RYR1: variants seen among roughly 807,000 people sequenced by gnomAD.
RYR1 encodes the protein central core disease of muscle.
In RYR1, 342 loss-of-function variants were observed where a neutral mutation model predicts 583.5. The ratio of observed to expected loss-of-function variants is 0.59; its 90% CI spans 0.54 to 0.64. The LOEUF is 0.64. Among genes scored for constraint, RYR1 ranks in the 30% least tolerant of loss-of-function variants. The pLI is 0.00. For missense variants in RYR1, 6,032 were observed against 6,917.2 expected, an observed-to-expected ratio of 0.87 and a Z score of 4.54; for synonymous variants, 2,791 against 2,822.5, an observed-to-expected ratio of 0.99 and a Z score of 0.35.
At position 38,448,690 on chromosome 19, in the gene RYR1, G is replaced by A; in HGVS notation, c.999G>A (p.Met333Ile). 1.2e-6 allele frequency: 2 copies of A among 1,614,242 alleles called. No homozygotes were observed. Among genetic ancestry groups the A allele is most frequent in the Middle Eastern group, 1.6e-4 (1 of 6,062 alleles). Reference sequence around the variant, plus strand: ...CCCCCAAGCGGGATGTGGAGGGCATGGGCCCCCCTGAGATCAAGTACGGGG... The same window carrying A: ...CCCCCAAGCGGGATGTGGAGGGCATAGGCCCCCCTGAGATCAAGTACGGGG... ...DVAPKRDVEG[M>I]GPPEIKYGES... The change falls in exon 11 of 106, where the codon ATG becomes ATA. Residue 333 changes from methionine to isoleucine, a missense_variant. Met to Ile is a conservative substitution (Grantham distance 10). Transcript: ENST00000359596.
intron 49 of RYR1, 152 bp from the exon 50 acceptor site, chr19:38,504,068 C>A: frequency 1.2e-6 from 1 of 860,596 alleles, no homozygotes; most frequent in Non-Finnish European, 1.9e-6. Context: ...ATAAACATAC[C>A]ATTTCTTCCC....
At chr19:38,506,691 G>C in intron 56 of RYR1, 138 bp from the exon 57 acceptor site, 2 of 1,486,860 alleles carry the variant, frequency 1.3e-6, no homozygotes, top group Non-Finnish European at 1.8e-6. Context: ...AATGAGATGA[G>C]CACCAGCAAG....
chr19:38,456,673 C>T (rs909229705), intron 16 of RYR1, among the ~76,000 whole-genome samples: 2 of 152,022 alleles, frequency 1.3e-5, no homozygotes, highest in African/African-American at 2.4e-5. Context: ...TGCCATAGCC[C>T]TACAAGTTCC....
In RYR1 at chr19:38,444,029, G is replaced by T. The variant is rs913136689; in HGVS notation, c.425-120G>T. 5.6e-6 allele frequency: 5 copies of T among 888,522 alleles called. No homozygotes were observed. In the African/African-American group the frequency reaches 8.2e-5, roughly 15 times the overall value. 55.0% of individuals were successfully genotyped at this position (888,522 alleles called of 1,614,324 possible). On this transcript the variant is annotated intron_variant, in intron 5 of 105. Coordinates refer to ENST00000359596, the MANE Select transcript of RYR1 (RefSeq NM_000540.3). The surrounding 1 kb of genome is among the most constrained non-coding windows in gnomAD (Gnocchi z 5.1). ...GGAACTGTTAGGCAGAGAGTTGGTG[G>T]CAGTGATAGGAGAGTTGTGGGCCAA...
intron 63 of RYR1, among the ~76,000 whole-genome samples, chr19:38,513,619 C>T (rs1048247479): frequency 2.1e-4 from 32 of 152,150 alleles, no homozygotes; most frequent in African/African-American, 7.5e-4. Context: ...GCCTGTAGTC[C>T]CAGCTACTTG....
chr19:38,573,185 G>A lies in RYR1; in HGVS notation c.14007G>A (p.Leu4669=), dbSNP rs1568595617. 6.2e-7 allele frequency: 1 copy of A among 1,613,816 alleles called. No individual in the cohort carries two copies. Among genetic ancestry groups the A allele is most frequent in the African/African-American group, 1.3e-5 (1 of 75,038 alleles). ...CTCCTCCCACTATCCAGGTGCCCCT[G>A]GTAATCTTTAAGCGGGAGAAGGAGC... is the stretch of plus-strand genomic sequence containing the variant. ...IIGYNCLKVP[L]VIFKREKELA... is the part of the protein sequence containing the mutation. The change falls in exon 96 of 106, where the codon CTG becomes CTA. Residue 4669 remains leucine (L), a synonymous_variant. Coordinates refer to ENST00000359596, the MANE Select transcript of RYR1 (RefSeq NM_000540.3).
chr19:38,453,919 C>G (rs998789234), intron 13 of RYR1, among the ~76,000 whole-genome samples: 1 of 152,166 alleles, frequency 6.6e-6, no homozygotes, highest in African/African-American at 2.4e-5. Flanking sequence ...TCTACAGTCA[C>G]AGCTAGTTAG....
intron 89 of RYR1, among the ~76,000 whole-genome samples, chr19:38,549,279 G>T (rs1266117187): frequency 6.6e-6 from 1 of 152,024 alleles, no homozygotes; most frequent in Non-Finnish European, 1.5e-5. Context: ...GTAAAATGGG[G>T]ATAGGATAAT....
chr19:38,554,492 A>G (rs951356948), intron 89 of RYR1, among the ~76,000 whole-genome samples: 5 of 150,716 alleles, frequency 3.3e-5, no homozygotes, highest in African/African-American at 1.2e-4. Flanking sequence ...ATAATTTCCC[A>G]AGTTCTTCAT....
intron 67 of RYR1, among the ~76,000 whole-genome samples, chr19:38,522,371 G>A (rs1971262772): frequency 6.6e-6 from 1 of 152,182 alleles, no homozygotes; most frequent in African/African-American, 2.4e-5. Flanking sequence ...AGAGGTCAGG[G>A]AAAGAGGATC....
At chr19:38,582,901 C>T (rs1261430507) in intron 101 of RYR1, among the ~76,000 whole-genome samples, 1 of 152,176 alleles carries the variant, frequency 6.6e-6, no homozygotes, top group African/African-American at 2.4e-5. Flanking sequence ...GAGGCTCTTC[C>T]AGACACGGCC....
intron 83 of RYR1, chr19:38,536,972 G>T: frequency 3.2e-6 from 2 of 621,510 alleles, no homozygotes; most frequent in South Asian, 3.9e-5. Context: ...GAGAATACAT[G>T]GGCCTGTGAA....
intron 75 of RYR1, 33 bp downstream of exon 75, chr19:38,528,728 C>T (rs979342687): frequency 5.0e-6 from 8 of 1,605,948 alleles, no homozygotes; most frequent in African/African-American, 1.3e-5. Flanking sequence ...GAGTGGGGGG[C>T]GAGCTGGATA....
chr19:38,544,050 C>T (rs1445651992), intron 87 of RYR1, among the ~76,000 whole-genome samples, 175 bp downstream of exon 87: 2 of 152,160 alleles, frequency 1.3e-5, no homozygotes, highest in African/African-American at 4.8e-5. Flanking sequence ...TGCATGACCC[C>T]GCCTCCTCCT....
intron 84 of RYR1, among the ~76,000 whole-genome samples, chr19:38,539,670 A>T (rs927660371): frequency 2.0e-5 from 3 of 152,166 alleles, no homozygotes; most frequent in African/African-American, 7.2e-5. Flanking sequence ...CTGTCTCCCA[A>T]CATATTTGCA....
chr19:38,528,485 A>G (rs1971580486), intron 74 of RYR1, 67 bp downstream of exon 74: 1 of 1,596,850 alleles, frequency 6.3e-7, no homozygotes, highest in East Asian at 2.2e-5. Flanking sequence ...GAGTCTGGAG[A>G]ATGGAGGGCC....
At chr19:38,466,766 G>C (rs555617769) in intron 24 of RYR1, among the ~76,000 whole-genome samples, 1 of 152,216 alleles carries the variant, frequency 6.6e-6, no homozygotes, top group East Asian at 1.9e-4. Flanking sequence ...CTCCCAAAGT[G>C]CTGGGATTAC....
At chr19:38,478,405 G>A (rs778526467) in intron 30 of RYR1, 30 bp from the exon 31 acceptor site, 10 of 1,610,286 alleles carry the variant, frequency 6.2e-6, no homozygotes, top group Non-Finnish European at 8.5e-6. Flanking sequence ...CTCACATGAG[G>A]AGTGCAGTGA....
chr19:38,533,706 C>T (rs962413695), intron 78 of RYR1, among the ~76,000 whole-genome samples: 13 of 151,190 alleles, frequency 8.6e-5, no homozygotes, highest in Admixed American at 2.6e-4. Flanking sequence ...GCAGGAGAAT[C>T]GCTTGAACCC....
Sources: allele counts gnomAD v4.1 joint callset (sites outside exome capture counted in the v4.1 genomes callset), GRCh38; gene constraint gnomAD v4.1.1; non-coding constraint Gnocchi (gnomAD v3.1); transcripts MANE v1.5; gene names NCBI Gene and HGNC (gene_info 2026-07-23, HGNC 2026-07-21).